Variants in TENM2 observed in about 807,000 individuals in gnomAD.
TENM2 encodes teneurin-2.
TENM2 carries 52 observed loss-of-function variants against 245.2 expected under a neutral mutation model. The observed-to-expected ratio is 0.21, with a 90% confidence interval of 0.17 to 0.27. The LOEUF is 0.27. TENM2 is among the 10% of genes least tolerant of loss of function. The probability of loss-of-function intolerance (pLI) is 1.00; values close to 1 mark genes in which losing one functional copy is unlikely to be tolerated. For synonymous variants in TENM2, 1,363 were observed against 1,438.9 expected (o/e 0.95, Z 1.19); for missense variants, 3,046 against 3,666.8 (o/e 0.83, Z 4.37).
intron 5 of TENM2, among the ~76,000 whole-genome samples, chr5:167,995,708 G>T (rs753053921): frequency 6.6e-6 from 1 of 152,130 alleles, no homozygotes; most frequent in South Asian, 2.1e-4. Context: ...GGTTATTTAC[G>T]TGCAGAAACT....
At chr5:167,638,112 TG>T in intron 2 of TENM2, among the ~76,000 whole-genome samples, 1 of 149,452 alleles carries the variant, frequency 6.7e-6, no homozygotes, top group Admixed American at 6.6e-5. Context: ...TGTGTGTGTG[TG>T]TGTGTGTGTG....
chr5:167,191,221 T>C, the TENM2 span, among the ~76,000 whole-genome samples: 4 of 152,024 alleles, frequency 2.6e-5, no homozygotes, highest in South Asian at 6.2e-4. Flanking sequence ...CACACACACA[T>C]ACATATATGT....
chr5:167,120,527 A>G, the TENM2 span, among the ~76,000 whole-genome samples: 1 of 152,194 alleles, frequency 6.6e-6, no homozygotes, highest in East Asian at 1.9e-4. Flanking sequence ...AAAATAAGTA[A>G]TTAGTCATCA....
chr5:168,185,938 A>G (rs369317822), intron 13 of TENM2, among the ~76,000 whole-genome samples: 2 of 5,734 alleles, frequency 3.5e-4, no homozygotes, highest in African/African-American at 1.5e-3. Context: ...ATATATATAT[A>G]TATATATATA....
At chr5:168,017,535 G>A (rs1462568793) in intron 5 of TENM2, among the ~76,000 whole-genome samples, 1 of 152,148 alleles carries the variant, frequency 6.6e-6, no homozygotes, top group Non-Finnish European at 1.5e-5. Flanking sequence ...GGTGTGGCTG[G>A]TCAGTCTCTT....
At chr5:167,870,609 GTA>G (rs202061524) in intron 2 of TENM2, among the ~76,000 whole-genome samples, 8,604 of 142,472 alleles carry the variant, frequency 0.06, 361 homozygotes, top group Middle Eastern at 0.091. Context: ...GTGTATATAT[GTA>G]TATATATGTA....
At chr5:167,084,182 T>C in the TENM2 span, among the ~76,000 whole-genome samples, 1 of 151,106 alleles carries the variant, frequency 6.6e-6, no homozygotes, top group African/African-American at 2.4e-5. Flanking sequence ...TCAAGTTCCC[T>C]GAACAGTGAT....
intron 2 of TENM2, among the ~76,000 whole-genome samples, chr5:167,751,306 G>A (rs977329416): frequency 3.3e-5 from 5 of 152,178 alleles, no homozygotes; most frequent in African/African-American, 1.2e-4. Context: ...GTTTTTAAAA[G>A]ATCATTTTGC....
At chr5:167,887,438 T>G (rs1285121866) in intron 3 of TENM2, among the ~76,000 whole-genome samples, 1 of 152,198 alleles carries the variant, frequency 6.6e-6, no homozygotes, top group African/African-American at 2.4e-5. Flanking sequence ...CCTTCAGATT[T>G]GGGCCTGTTG....
intron 2 of TENM2, among the ~76,000 whole-genome samples, chr5:167,379,623 C>A (rs1361711748): frequency 6.6e-6 from 1 of 152,006 alleles, no homozygotes; most frequent in East Asian, 1.9e-4. Flanking sequence ...TTTTATAACC[C>A]ACTCTACTCC....
At chr5:167,360,152 G>A (rs1450377846) in intron 1 of TENM2, among the ~76,000 whole-genome samples, 1 of 152,102 alleles carries the variant, frequency 6.6e-6, no homozygotes, top group Non-Finnish European at 1.5e-5. Flanking sequence ...ACCTGCACAT[G>A]TACTGCTCAA....
intron 13 of TENM2, among the ~76,000 whole-genome samples, chr5:168,187,910 C>G (rs940402113): frequency 6.6e-6 from 1 of 152,108 alleles, no homozygotes; most frequent in Non-Finnish European, 1.5e-5. Flanking sequence ...GAAAGTCTCT[C>G]AATCTAAAGT....
chr5:168,223,864 G>A (rs1283281301), intron 23 of TENM2, among the ~76,000 whole-genome samples: 1 of 151,924 alleles, frequency 6.6e-6, no homozygotes, highest in Non-Finnish European at 1.5e-5. Context: ...ACATTTAAAT[G>A]TCTATATTTT....
At chr5:167,473,798 C>A (rs191020980) in intron 2 of TENM2, among the ~76,000 whole-genome samples, 1 of 152,168 alleles carries the variant, frequency 6.6e-6, no homozygotes, top group East Asian at 1.9e-4. Context: ...CAAAATTGTA[C>A]CTATCTTATG....
At chr5:168,095,967 C>T (rs1667489470) in intron 8 of TENM2, among the ~76,000 whole-genome samples, 1 of 152,162 alleles carries the variant, frequency 6.6e-6, no homozygotes, top group Admixed American at 6.5e-5. Flanking sequence ...GATGCCAGTG[C>T]ATATGTCATG....
intron 2 of TENM2, among the ~76,000 whole-genome samples, chr5:167,779,894 C>T (rs1208006820): frequency 6.6e-6 from 1 of 152,218 alleles, no homozygotes; most frequent in South Asian, 2.1e-4. Flanking sequence ...GAAGGAAACA[C>T]AGCCACTGTT....
chr5:167,048,768 T>C, the TENM2 span, among the ~76,000 whole-genome samples: 1 of 152,196 alleles, frequency 6.6e-6, no homozygotes, highest in Non-Finnish European at 1.5e-5. Flanking sequence ...CTAAATTACA[T>C]ATAATTCCAT....
chr5:167,685,416 C>A (rs1162224678), intron 2 of TENM2, among the ~76,000 whole-genome samples: 1 of 152,154 alleles, frequency 6.6e-6, no homozygotes, highest in Non-Finnish European at 1.5e-5. Context: ...TTTTCATCAC[C>A]TTCCTCAGCC....
the TENM2 span, among the ~76,000 whole-genome samples, chr5:167,000,359 T>A: frequency 6.6e-6 from 1 of 152,244 alleles, no homozygotes; most frequent in African/African-American, 2.4e-5. Context: ...CCATTTGCTT[T>A]ATGAAATTGG....
Sources: allele counts gnomAD v4.1 joint callset (sites outside exome capture counted in the v4.1 genomes callset), GRCh38; gene constraint gnomAD v4.1.1; transcripts MANE v1.5; gene names NCBI Gene and HGNC (gene_info 2026-07-23, HGNC 2026-07-21).